UMODL1: variants seen among roughly 807,000 people sequenced by gnomAD.
UMODL1 encodes the protein uromodulin-like 1.
Under a neutral mutation model 136.3 loss-of-function variants are expected in UMODL1, and 128 were observed. The ratio of observed to expected loss-of-function variants is 0.94; its 90% CI spans 0.81 to 1.09. UMODL1 has a LOEUF of 1.09. Ranked by LOEUF, UMODL1 falls within the 50% of genes least tolerant of loss-of-function variation. The pLI is 0.00. For missense variants in UMODL1, 1,766 were observed against 1,725.6 expected, an observed-to-expected ratio of 1.02 and a Z score of -0.41; for synonymous variants, 721 against 720.0, an observed-to-expected ratio of 1.00 and a Z score of -0.02.
At chr21:42,112,388 T>TGTTCTGCACCCCCAGC in intron 12 of UMODL1, among the ~76,000 whole-genome samples, 1 of 149,230 alleles carries the variant, frequency 6.7e-6, no homozygotes, top group South Asian at 2.1e-4. Flanking sequence ...GCACCCCCAG[T>TGTTCTGCACCCCCAGC]TGTTCTGCAT....
At chr21:42,108,358 G>T in intron 9 of UMODL1, 1 of 524,808 alleles carries the variant, frequency 1.9e-6, no homozygotes, top group Non-Finnish European at 3.9e-6. Context: ...GCAGTGTTCT[G>T]ATGGCAAGGC....
rs765807113 is a variant in UMODL1 at position 42,111,755 on chromosome 21, C to A, written c.2104+45C>A. ...CATGGGGACTAGGACTAATAGGACC[C>A]ATAGCCTGTGTGAGCCTCTGGGGCA... On this transcript the variant is annotated intron_variant, in intron 12 of 22. Transcript: ENST00000408910. The A allele has an allele frequency of 2.7e-5, 41 of 1,529,212 alleles. No individual in the cohort carries two copies. The East Asian group carries it at 9.0e-4, about 34-fold the overall frequency. 94.7% of individuals were successfully genotyped at this position (1,529,212 alleles called of 1,614,324 possible). A position where few individuals can be genotyped will look rare whatever the true frequency, so the allele number is the denominator to read the frequency against.
In UMODL1 at chr21:42,122,576, C is replaced by CGTGTGTGCAT. The variant is rs56945749; in HGVS notation, c.2828-234_2828-225dup. 4.1e-3 allele frequency among the ~76,000 whole-genome samples: 622 copies of CGTGTGTGCAT among 150,512 alleles called. 3 individuals are homozygous for CGTGTGTGCAT. The highest frequency in any genetic ancestry group is 0.014 in the African/African-American group (577 of 40,706). On this transcript the variant is annotated intron_variant, in intron 16 of 22. Transcript: ENST00000408910. This position sits in a 1 kb window ranked among gnomAD's most constrained non-coding sequence, Gnocchi z 4.3. ...GTGTGTGTCTGCACGTGTGTGCGTG[C>CGTGTGTGCAT]GTGTGTGCATGTGTGTGCATGTGTG...
chr21:42,089,941 A>G (rs1433193941), intron 5 of UMODL1, among the ~76,000 whole-genome samples: 2 of 152,196 alleles, frequency 1.3e-5, no homozygotes, highest in Non-Finnish European at 2.9e-5. Context: ...GTTGGCGCAG[A>G]AAACACCCAC....
chr21:42,139,090 C>A (rs2067245845), intron 22 of UMODL1, among the ~76,000 whole-genome samples: 1 of 152,088 alleles, frequency 6.6e-6, no homozygotes, highest in South Asian at 2.1e-4. Context: ...ATCCCTTGAG[C>A]TCGAGAGGTG....
At chr21:42,094,175 G>T (rs955666610) in intron 6 of UMODL1, among the ~76,000 whole-genome samples, 1 of 152,200 alleles carries the variant, frequency 6.6e-6, no homozygotes, top group African/African-American at 2.4e-5. Flanking sequence ...CCGCTCGAGC[G>T]ACCGCCAAAC....
rs1236415967 is a variant in UMODL1, at chr21:42,103,870, C to G, written c.1302C>G (p.Val434=). ...QDFSRQLLHE[V]ESSFPPVVSD... ...TGCTGTTGCCTCTTCTTGGCTAGGT[C>G]GAGAGCTCCTTCCCACCAGTGGTGT... Residue 434 remains valine (V), a splice_region_variant and synonymous_variant, in exon 9 of 23, where the codon GTC becomes GTG. Coordinates refer to ENST00000408910, the MANE Select transcript of UMODL1 (RefSeq NM_001004416.3). 7.4e-6 allele frequency: 12 copies of G among 1,614,100 alleles called. No individual in the cohort carries two copies. Among genetic ancestry groups the G allele is most frequent in the Non-Finnish European group, 1.0e-5 (12 of 1,180,026 alleles).
chr21:42,111,803 G>A lies in UMODL1; in HGVS notation c.2104+93G>A, dbSNP rs1233418737. ...GCAAAGCTCCTGCAGCCGTGGAGTC[G>A]CAGGCTGCTAGCAATGCTCAGGCGG... On this transcript the variant is annotated intron_variant, in intron 12 of 22. Transcript: ENST00000408910. 2.0e-5 allele frequency: 26 copies of A among 1,272,566 alleles called. No homozygotes were observed. The Admixed American group carries it at 2.0e-4, about 10-fold the overall frequency. The allele number at this position is 1,272,566 out of a possible 1,614,324, so 78.8% of individuals were successfully genotyped here.
At chr21:42,114,585 C>T (rs1236330964) in intron 13 of UMODL1, among the ~76,000 whole-genome samples, 1 of 151,444 alleles carries the variant, frequency 6.6e-6, no homozygotes, top group East Asian at 1.9e-4. Context: ...CAGTGGTCTG[C>T]ACAGTGGGGC....
intron 6 of UMODL1, among the ~76,000 whole-genome samples, chr21:42,094,812 C>T (rs991409778): frequency 1.0e-4 from 15 of 147,204 alleles, no homozygotes; most frequent in African/African-American, 2.8e-4. Context: ...TGTCCAGCCA[C>T]GGGAACAGCT....
At chr21:42,091,286 C>T (rs990359624) in intron 6 of UMODL1, among the ~76,000 whole-genome samples, 3 of 152,186 alleles carry the variant, frequency 2.0e-5, no homozygotes, top group African/African-American at 7.2e-5. Context: ...TGCACTGGAA[C>T]CACGAGGATA....
chr21:42,131,072 C>T (rs1338207942), intron 21 of UMODL1, among the ~76,000 whole-genome samples: 1 of 152,182 alleles, frequency 6.6e-6, no homozygotes, highest in Non-Finnish European at 1.5e-5. Flanking sequence ...CTCGGCCTCC[C>T]AAAGTGCTAG....
At chr21:42,139,226 G>A (rs2067247431) in intron 22 of UMODL1, among the ~76,000 whole-genome samples, 2 of 152,174 alleles carry the variant, frequency 1.3e-5, no homozygotes. Flanking sequence ...GTGTGAGACT[G>A]CTGACTCCAA....
intron 5 of UMODL1, among the ~76,000 whole-genome samples, chr21:42,089,024 T>C (rs2066460386): frequency 6.6e-6 from 1 of 152,084 alleles, no homozygotes; most frequent in African/African-American, 2.4e-5. Flanking sequence ...TTCTTTGTTG[T>C]TGTTGTTCTA....
chr21:42,094,501 A>G (rs530034616), intron 6 of UMODL1, among the ~76,000 whole-genome samples: 1 of 152,230 alleles, frequency 6.6e-6, no homozygotes, highest in East Asian at 1.9e-4. Flanking sequence ...GATTATCCGC[A>G]TTGCCGTGGC....
intron 22 of UMODL1, among the ~76,000 whole-genome samples, chr21:42,140,757 C>T (rs879374612): frequency 5.3e-5 from 8 of 152,184 alleles, no homozygotes; most frequent in Admixed American, 5.2e-4. Flanking sequence ...CCCCGGGAGG[C>T]AGGTGCTGCT....
rs575642338 is a variant in UMODL1 at position 42,085,866 on chromosome 21, G to A, written c.603+454G>A. ...GCCCAGGGCTGGAGAGCACCCTGGG[G>A]TCTGATGGTTAGCAGCGCCCCTGGC... On this transcript the variant is annotated intron_variant, in intron 4 of 22. Transcript: ENST00000408910. The surrounding 1 kb of genome is among the most constrained non-coding windows in gnomAD (Gnocchi z 4.5). Among the ~76,000 whole-genome samples, 2 of 152,290 alleles carry A rather than the reference G, an allele frequency of 1.3e-5. No homozygotes were observed. The highest frequency in any genetic ancestry group is 3.9e-4 in the East Asian group (2 of 5,174).
Position 42,127,218 on chromosome 21 carries a change from T to A in UMODL1, c.3506T>A (p.Ile1169Asn), listed in dbSNP as rs1040390940. 2.5e-6 allele frequency: 4 copies of A among 1,613,904 alleles called. No homozygotes were observed. The highest frequency in any genetic ancestry group is 3.4e-6 in the Non-Finnish European group (4 of 1,180,010). Residue 1169 changes from isoleucine to asparagine, a missense_variant, in exon 19 of 23, where the codon ATC (isoleucine) becomes AAC (asparagine). Coordinates refer to ENST00000408910, the MANE Select transcript of UMODL1 (RefSeq NM_001004416.3). ...ATPSSNARDP[I>N]TFSFINNSCP... is the part of the protein sequence containing the mutation. ...CCGTCTAGCAACGCCCGGGACCCCA[T>A]CACCTTCAGCTTCATTAACAACAGG...
Position 42,126,463 on chromosome 21 carries a change from C to T in UMODL1, c.3266C>T (p.Thr1089Ile), listed in dbSNP as rs1458802315. The T allele has an allele frequency of 1.2e-6, 2 of 1,614,132 alleles. No homozygotes were observed. Among genetic ancestry groups the T allele is most frequent in the Non-Finnish European group, 1.7e-6 (2 of 1,180,052 alleles). Reference protein sequence around the residue: ...IYCAFQNDLLTSSGFTLEWGV... With the variant: ...IYCAFQNDLLISSGFTLEWGV... The stretch of plus-strand genomic sequence containing the variant: ...TGCGCCTTCCAGAATGACCTGCTGA[C>T]ATCCTCCGGCTTCACCCTGGAGTGG... The change falls in exon 18 of 23, where the codon ACA (threonine) becomes ATA (isoleucine). Residue 1089 changes from threonine to isoleucine, a missense_variant. By Grantham distance (89) the Thr-to-Ile change is moderately conservative. Coordinates refer to ENST00000408910, the MANE Select transcript of UMODL1 (RefSeq NM_001004416.3).
Sources: gnomAD v4.1 joint callset for allele counts (sites outside exome capture counted in the v4.1 genomes callset) on GRCh38, gnomAD v4.1.1 for gene constraint, Gnocchi (gnomAD v3.1) non-coding constraint, MANE v1.5 for transcripts, NCBI Gene and HGNC (gene_info 2026-07-23, HGNC 2026-07-21) for gene names.